EPS8: variants seen among roughly 807,000 people sequenced by gnomAD.
EPS8 encodes the protein EGFR pathway substrate 8, signaling adaptor.
Under a neutral mutation model 103.8 loss-of-function variants are expected in EPS8, and 42 were observed. That is an observed-to-expected ratio of 0.40 (90% CI 0.32 to 0.52). EPS8 has a LOEUF of 0.52. Among genes scored for constraint, EPS8 ranks in the 20% least tolerant of loss-of-function variants. The pLI is 0.40. For synonymous variants in EPS8, 344 were observed against 344.6 expected, an observed-to-expected ratio of 1.00 and a Z score of 0.02; for missense variants, 969 against 1,005.1, an observed-to-expected ratio of 0.96 and a Z score of 0.49.
rs1946871407 is a variant in EPS8, at chr12:15,745,990, C to G, written c.-22+43171G>C. Among the ~76,000 whole-genome samples, 1 of 152,224 alleles carries G rather than the reference C, an allele frequency of 6.6e-6. No homozygotes were observed. Among genetic ancestry groups the G allele is most frequent in the African/African-American group, 2.4e-5 (1 of 41,450 alleles). On this transcript the variant is annotated intron_variant, in intron 1 of 20. Coordinates refer to ENST00000281172, the MANE Select transcript of EPS8 (RefSeq NM_004447.6). This position sits in a 1 kb window ranked among gnomAD's most constrained non-coding sequence, Gnocchi z 4.6. ...CATTTTCTTTAACACACAGCTTTTA[C>G]ATGGGATTGCACATTCTATGAACAC... is the stretch of plus-strand genomic sequence containing the variant.
chr12:15,715,319 A>G (rs1946517844), intron 1 of EPS8, among the ~76,000 whole-genome samples: 1 of 151,264 alleles, frequency 6.6e-6, no homozygotes, highest in Non-Finnish European at 1.5e-5. Flanking sequence ...CCTTGGCCCA[A>G]CAGTGTTTCC....
rs370579966 is a variant in EPS8 at position 15,746,608 on chromosome 12, C to A, written c.-22+42553G>T. ...TCTCTCCCAGAACCAACATTGGCAA[C>A]ACATGAGATCGTATAACAGAAGAAA... On this transcript the variant is annotated intron_variant, in intron 1 of 20. Transcript: ENST00000281172. Among the ~76,000 whole-genome samples the A allele has an allele frequency of 1.7e-3, 266 of 152,270 alleles. 7 individuals carry two copies. Among genetic ancestry groups the A allele is most frequent in the African/African-American group, 6.2e-3 (259 of 41,548 alleles).
intron 1 of EPS8, among the ~76,000 whole-genome samples, chr12:15,711,900 A>G (rs937666403): frequency 1.5e-4 from 23 of 152,200 alleles, no homozygotes; most frequent in Non-Finnish European, 3.1e-4. Flanking sequence ...ACATTTCCCA[A>G]GACCAAAACA....
chr12:15,715,941 T>G (rs2135968218), intron 1 of EPS8, among the ~76,000 whole-genome samples: 2 of 149,586 alleles, frequency 1.3e-5, no homozygotes, highest in Middle Eastern at 3.5e-3. Context: ...AGGATAATAA[T>G]ATTAAGTCTT....
chr12:15,740,313 G>T (rs939846476), intron 1 of EPS8, among the ~76,000 whole-genome samples: 1 of 152,134 alleles, frequency 6.6e-6, no homozygotes, highest in African/African-American at 2.4e-5. Context: ...TTGGGAGGCT[G>T]AGGCTGGCAG....
At chr12:15,634,634 T>C (rs1945104998) in intron 17 of EPS8, 2 of 397,364 alleles carry the variant, frequency 5.0e-6, no homozygotes, top group Admixed American at 8.8e-5. Context: ...AACTCTGCAG[T>C]GAAAACTAAG....
Position 15,734,308 on chromosome 12 carries a change from A to G in EPS8, c.-21-51336T>C, listed in dbSNP as rs1179098263. Among the ~76,000 whole-genome samples, 1 of 152,122 alleles carries G rather than the reference A, an allele frequency of 6.6e-6. No individual in the cohort carries two copies. The highest frequency in any genetic ancestry group is 1.5e-5 in the Non-Finnish European group (1 of 68,022). On this transcript the variant is annotated intron_variant, in intron 1 of 20. Transcript: ENST00000281172. This position sits in a 1 kb window ranked among gnomAD's most constrained non-coding sequence, Gnocchi z 4.1. ...CTTCCTTTTCTTCTATTTGTTTGCCAGTTTATTCAGAAACAACATATAAGA... is the reference window on the plus strand; with the variant it reads ...CTTCCTTTTCTTCTATTTGTTTGCCGGTTTATTCAGAAACAACATATAAGA...
chr12:15,729,252 C>A (rs537356159), intron 1 of EPS8, among the ~76,000 whole-genome samples: 3 of 152,024 alleles, frequency 2.0e-5, no homozygotes. Context: ...CTGAGCTTGG[C>A]GTCTCTCATT....
rs527827823 is a variant in EPS8, at chr12:15,748,330, A to G, written c.-22+40831T>C. Among the ~76,000 whole-genome samples, 13 of 152,334 alleles carry G rather than the reference A, an allele frequency of 8.5e-5. No homozygotes were observed. Among genetic ancestry groups the G allele is most frequent in the Middle Eastern group, 3.4e-3 (1 of 294 alleles). On this transcript the variant is annotated intron_variant, in intron 1 of 20. Transcript: ENST00000281172. The surrounding 1 kb of genome is among the most constrained non-coding windows in gnomAD (Gnocchi z 4.8). ...ATATTCTTAAGTCAAATGCTCACCA[A>G]TTTTAAGTATTCATCTATTACCAAA... is the stretch of plus-strand genomic sequence containing the variant.
intron 20 of EPS8, among the ~76,000 whole-genome samples, chr12:15,622,364 C>T (rs748070957): frequency 2.6e-5 from 4 of 152,198 alleles, no homozygotes; most frequent in Admixed American, 6.5e-5. Context: ...AGAATGGCTA[C>T]GGGGTGATAC....
At chr12:15,766,534 G>C (rs910008019) in intron 1 of EPS8, among the ~76,000 whole-genome samples, 1 of 150,772 alleles carries the variant, frequency 6.6e-6, no homozygotes, top group Non-Finnish European at 1.5e-5. Context: ...GCTGGACATT[G>C]GGAGCTAATG....
intron 1 of EPS8, among the ~76,000 whole-genome samples, chr12:15,708,165 A>G (rs1358143588): frequency 2.0e-5 from 3 of 152,358 alleles, no homozygotes; most frequent in African/African-American, 4.8e-5. Flanking sequence ...AGAGAACACT[A>G]AGATCTAAAT....
At position 15,684,986 on chromosome 12, in the gene EPS8, C is replaced by T. The variant is rs778663300; in HGVS notation, c.-21-2014G>A. Reference sequence around the variant, plus strand: ...TCTCAGGGTGGGACAAGGCAGAGGGCCTGATTTGTAGTGCTTATTGTTTTC... The same window carrying T: ...TCTCAGGGTGGGACAAGGCAGAGGGTCTGATTTGTAGTGCTTATTGTTTTC... On this transcript the variant is annotated intron_variant, in intron 1 of 20. Coordinates refer to ENST00000281172, the MANE Select transcript of EPS8 (RefSeq NM_004447.6). This position sits in a 1 kb window ranked among gnomAD's most constrained non-coding sequence, Gnocchi z 4.9. Among the ~76,000 whole-genome samples, 3 of 152,124 alleles carry T rather than the reference C, an allele frequency of 2.0e-5. No homozygotes were observed. Among genetic ancestry groups the T allele is most frequent in the Non-Finnish European group, 4.4e-5 (3 of 68,022 alleles).
chr12:15,651,076 G>T, intron 13 of EPS8, 70 bp from the exon 14 acceptor site: 1 of 1,297,932 alleles, frequency 7.7e-7, no homozygotes, highest in Non-Finnish European at 1.1e-6. Context: ...GTTATCTTCA[G>T]TAAGGCTAGA....
In EPS8 at chr12:15,779,630, A is replaced by G. The variant is rs1045218780; in HGVS notation, c.-22+9531T>C. 3.9e-5 allele frequency among the ~76,000 whole-genome samples: 6 copies of G among 152,350 alleles called. No individual in the cohort carries two copies. The East Asian group carries it at 1.2e-3, about 29-fold the overall frequency. ...TTAGTAATATTCTAATGGTGTTAAC[A>G]GAAGATAATTCAACAGCCCTCAATA... On this transcript the variant is annotated intron_variant, in intron 1 of 20. Transcript: ENST00000281172. This position sits in a 1 kb window ranked among gnomAD's most constrained non-coding sequence, Gnocchi z 4.3.
Position 15,658,478 on chromosome 12 carries a change from A to G in EPS8, c.1026+19T>C. The G allele has an allele frequency of 7.1e-7, 1 of 1,406,232 alleles. No individual in the cohort carries two copies. The highest frequency in any genetic ancestry group is 1.0e-6 in the Non-Finnish European group (1 of 992,420). 87.1% of individuals were successfully genotyped at this position (1,406,232 alleles called of 1,614,324 possible). ...TTCCATTTATTTCTTCTAATTCTAT[A>G]TACATAAATTTCACTTACCAGAAGG... On this transcript the variant is annotated intron_variant, in intron 11 of 20. Transcript: ENST00000281172.
In EPS8 at chr12:15,624,291, T is replaced by C. The variant is rs1336240695; in HGVS notation, c.2161A>G (p.Ile721Val). 2 of 1,613,838 alleles carry C rather than the reference T, an allele frequency of 1.2e-6. No individual in the cohort carries two copies. The highest frequency in any genetic ancestry group is 2.7e-5 in the African/African-American group (2 of 74,918). The change falls in exon 19 of 21, where the codon ATC becomes GTC. Residue 721 changes from isoleucine to valine, a missense_variant. By Grantham distance (29) the Ile-to-Val change is conservative. Transcript: ENST00000281172. ...TCCTCTGGTGTGGAGTCGTAAGTGA[T>C]ATTGATAACTGGCACGTTCTGCCGT... ...VPRQNVPVIN[I>V]TYDSTPEDVK... is the part of the protein sequence containing the mutation.
intron 13 of EPS8, among the ~76,000 whole-genome samples, chr12:15,653,799 G>C (rs1013620882): frequency 6.6e-6 from 1 of 151,840 alleles, no homozygotes; most frequent in Non-Finnish European, 1.5e-5. Flanking sequence ...AGCACTGTGC[G>C]CGCGCGCGCG....
At chr12:15,652,680 CATAA>C in intron 13 of EPS8, among the ~76,000 whole-genome samples, 1 of 152,034 alleles carries the variant, frequency 6.6e-6, no homozygotes, top group African/African-American at 2.4e-5. Flanking sequence ...TATACTAGTA[CATAA>C]ATAATATAAA....
Sources: gnomAD v4.1 joint callset for allele counts (sites outside exome capture counted in the v4.1 genomes callset) on GRCh38, gnomAD v4.1.1 for gene constraint, Gnocchi (gnomAD v3.1) non-coding constraint, MANE v1.5 for transcripts, NCBI Gene and HGNC (gene_info 2026-07-23, HGNC 2026-07-21) for gene names.